The following ARHGAP17 variants were observed in gnomAD, a reference collection of about 807,000 sequenced individuals.
ARHGAP17 encodes the protein Rho GTPase activating protein 17.
In ARHGAP17, 57 loss-of-function variants were observed where a neutral mutation model predicts 99.5. The observed-to-expected ratio is 0.57, with a 90% CI of 0.46 to 0.71. The LOEUF is 0.71. Among genes scored for constraint, ARHGAP17 ranks in the 30% least tolerant of loss-of-function variants. ARHGAP17 has a pLI of 0.00. For missense variants in ARHGAP17, 1,000 were observed against 1,122.4 expected (o/e 0.89, Z 1.56); for synonymous variants, 417 against 429.6 (o/e 0.97, Z 0.36).
chr16:24,978,751 A>G (rs568675282), intron 2 of ARHGAP17, among the ~76,000 whole-genome samples: 1 of 152,154 alleles, frequency 6.6e-6, no homozygotes, highest in African/African-American at 2.4e-5. Flanking sequence ...ACCAGCGCAG[A>G]CGTGAGATTC....
intron 1 of ARHGAP17, among the ~76,000 whole-genome samples, chr16:24,989,512 A>T (rs1226594046): frequency 6.6e-6 from 1 of 152,142 alleles, no homozygotes; most frequent in South Asian, 2.1e-4. Context: ...TGAAAATAAT[A>T]CAGGTGATGC....
chr16:24,941,563 AAT>A (rs1487018199), intron 16 of ARHGAP17: 17 of 169,726 alleles, frequency 1.0e-4, no homozygotes, highest in Admixed American at 7.8e-4. Flanking sequence ...TTATACCAGA[AAT>A]ATGTCTCCTT....
At chr16:24,946,164 C>G (rs1239405169) in intron 14 of ARHGAP17, among the ~76,000 whole-genome samples, 1 of 152,126 alleles carries the variant, frequency 6.6e-6, no homozygotes, top group African/African-American at 2.4e-5. Context: ...ATAAAGTTAT[C>G]TAAGTGCAAC....
chr16:24,968,302 C>A, intron 6 of ARHGAP17, 49 bp downstream of exon 6: 2 of 1,592,254 alleles, frequency 1.3e-6, no homozygotes, highest in Non-Finnish European at 1.7e-6. Context: ...GTCTTCTCCC[C>A]CGTGGTGGGA....
chr16:24,923,036 C>T (rs1438575322), intron 19 of ARHGAP17, among the ~76,000 whole-genome samples: 1 of 152,176 alleles, frequency 6.6e-6, no homozygotes, highest in East Asian at 1.9e-4. Flanking sequence ...TATACACCCA[C>T]ACTTTATTAC....
chr16:25,004,744 C>T (rs1163569307), intron 1 of ARHGAP17, among the ~76,000 whole-genome samples: 1 of 152,054 alleles, frequency 6.6e-6, no homozygotes, highest in Non-Finnish European at 1.5e-5. Flanking sequence ...GACTACTAAA[C>T]CAAAAGGTAT....
intron 1 of ARHGAP17, among the ~76,000 whole-genome samples, chr16:25,003,519 G>GA: frequency 6.6e-6 from 1 of 152,156 alleles, no homozygotes; most frequent in East Asian, 1.9e-4. Context: ...TGGCCTTAAA[G>GA]CTTTTTAAAA....
chr16:24,974,800 C>T (rs1193429946), intron 3 of ARHGAP17, among the ~76,000 whole-genome samples: 2 of 152,136 alleles, frequency 1.3e-5, no homozygotes, highest in Non-Finnish European at 2.9e-5. Context: ...AAAATATTCA[C>T]AGAGAGAAAT....
chr16:25,001,486 AT>A (rs1457405860), intron 1 of ARHGAP17, among the ~76,000 whole-genome samples: 1 of 152,136 alleles, frequency 6.6e-6, no homozygotes, highest in African/African-American at 2.4e-5. Flanking sequence ...ATCCTAAATA[AT>A]TTTTTCTAGA....
intron 1 of ARHGAP17, among the ~76,000 whole-genome samples, chr16:25,002,355 C>T (rs1379970522): frequency 2.0e-5 from 3 of 152,176 alleles, no homozygotes; most frequent in African/African-American, 7.2e-5. Context: ...CCGCCCAAGG[C>T]TGCTGTCTTA....
rs539383522 is a variant in ARHGAP17, at chr16:25,011,322, C to CTT, written c.53+3886_53+3887insAA. Among the ~76,000 whole-genome samples, 184 of 152,232 alleles carry CTT rather than the reference C, an allele frequency of 1.2e-3. 1 individual carries two copies. In the Middle Eastern group the frequency reaches 0.017, roughly 14 times the overall value. ...AGCATTCAGAGCCAATCCTGGGACT[C>CTT]GGGCCACAGTGACTGCGAGATGAGT... On this transcript the variant is annotated intron_variant, in intron 1 of 19. Coordinates refer to ENST00000289968, the MANE Select transcript of ARHGAP17 (RefSeq NM_001006634.3).
chr16:24,942,320 A>G (rs1303228630), intron 15 of ARHGAP17, among the ~76,000 whole-genome samples, 177 bp from the exon 16 acceptor site: 1 of 152,196 alleles, frequency 6.6e-6, no homozygotes, highest in Non-Finnish European at 1.5e-5. Flanking sequence ...AGTGGGAAGT[A>G]ATGTTAAGAG....
At chr16:24,968,630 G>A in intron 5 of ARHGAP17, 31 bp downstream of exon 5, 1 of 1,608,734 alleles carries the variant, frequency 6.2e-7, no homozygotes, top group Non-Finnish European at 8.5e-7. Context: ...ACCACTCTCG[G>A]CTCTTCCGTG....
At chr16:24,941,947 A>G in intron 16 of ARHGAP17, 40 bp downstream of exon 16, 2 of 1,613,308 alleles carry the variant, frequency 1.2e-6, no homozygotes, top group Non-Finnish European at 8.5e-7. Flanking sequence ...GTCTAACAAC[A>G]TATTTACTGC....
At chr16:24,932,357 A>G (rs1480484328) in intron 18 of ARHGAP17, among the ~76,000 whole-genome samples, 3 of 152,200 alleles carry the variant, frequency 2.0e-5, no homozygotes, top group Non-Finnish European at 4.4e-5. Context: ...ATCGTTTTGA[A>G]AGTTCAATAA....
At chr16:24,936,689 G>C (rs2051149264) in intron 17 of ARHGAP17, 1 of 151,028 alleles carries the variant, frequency 6.6e-6, no homozygotes, top group Admixed American at 6.6e-5. Context: ...CTGGCTGACA[G>C]AGCGAGATGC....
chr16:24,952,418 G>A, intron 11 of ARHGAP17, 48 bp from the exon 12 acceptor site: 1 of 1,424,768 alleles, frequency 7.0e-7, no homozygotes, highest in Non-Finnish European at 9.8e-7. Context: ...GGTAAGGCTA[G>A]GAATCTTGGG....
At chr16:25,015,148 C>CCCCCCCA in intron 1 of ARHGAP17, 61 bp downstream of exon 1, 2 of 1,212,008 alleles carry the variant, frequency 1.7e-6, no homozygotes, top group African/African-American at 3.6e-5. Flanking sequence ...GTCCCGCCCC[C>CCCCCCCA]GCGCCCTCCG....
intron 18 of ARHGAP17, among the ~76,000 whole-genome samples, chr16:24,932,880 G>A (rs1013719844): frequency 2.6e-5 from 4 of 152,076 alleles, no homozygotes; most frequent in African/African-American, 9.7e-5. Context: ...GAAAGAAGGA[G>A]AAGGAAATGA....
Sources: allele counts gnomAD v4.1 joint callset (sites outside exome capture counted in the v4.1 genomes callset), GRCh38; gene constraint gnomAD v4.1.1; transcripts MANE v1.5; gene names NCBI Gene and HGNC (gene_info 2026-07-23, HGNC 2026-07-21).